The following FSTL5 variants were observed in gnomAD, a reference collection of about 807,000 sequenced individuals.
The protein encoded by FSTL5 is follistatin-related protein 5.
In FSTL5, 62 loss-of-function variants were observed where a neutral mutation model predicts 89.1. The observed-to-expected ratio is 0.70, with a 90% CI of 0.57 to 0.86. The LOEUF (loss-of-function observed/expected upper bound fraction) is 0.86. FSTL5 is among the 40% of genes least tolerant of loss of function. The pLI, the probability that FSTL5 is intolerant of heterozygous loss-of-function variation, is 0.00. For synonymous variants in FSTL5, 383 were observed against 346.2 expected, an observed-to-expected ratio of 1.11 and a Z score of -1.18; for missense variants, 1,057 against 1,001.6, an observed-to-expected ratio of 1.06 and a Z score of -0.75.
intron 15 of FSTL5, among the ~76,000 whole-genome samples, chr4:161,426,023 T>C (rs954087441): frequency 2.0e-5 from 3 of 152,020 alleles, no homozygotes; most frequent in Admixed American, 6.6e-5. Flanking sequence ...TTAAAAAGGG[T>C]TGGAAAATAT....
At chr4:162,010,735 C>T (rs988668535) in intron 3 of FSTL5, among the ~76,000 whole-genome samples, 6 of 152,224 alleles carry the variant, frequency 3.9e-5, no homozygotes, top group African/African-American at 1.2e-4. Context: ...TCACTTTGTA[C>T]ATTTCAAAGG....
At chr4:161,843,705 A>G (rs1731280474) in intron 4 of FSTL5, among the ~76,000 whole-genome samples, 1 of 152,166 alleles carries the variant, frequency 6.6e-6, no homozygotes, top group African/African-American at 2.4e-5. Flanking sequence ...AGGATTCCCT[A>G]TTTAATAAAT....
chr4:161,612,681 C>T (rs1371434391), intron 7 of FSTL5, among the ~76,000 whole-genome samples: 1 of 152,060 alleles, frequency 6.6e-6, no homozygotes, highest in Non-Finnish European at 1.5e-5. Flanking sequence ...GCCATGTTGA[C>T]GCTATAAAAC....
chr4:161,591,097 A>C (rs554083160), intron 7 of FSTL5, among the ~76,000 whole-genome samples: 1 of 152,370 alleles, frequency 6.6e-6, no homozygotes, highest in Non-Finnish European at 1.5e-5. Flanking sequence ...TTTGACAATA[A>C]AAAGGAATAA....
intron 8 of FSTL5, among the ~76,000 whole-genome samples, chr4:161,564,106 A>G (rs1560955538): frequency 6.6e-6 from 1 of 151,862 alleles, no homozygotes; most frequent in Non-Finnish European, 1.5e-5. Context: ...TGAATAATAT[A>G]TTTGTATTCA....
At chr4:161,836,844 C>G (rs77364815) in intron 4 of FSTL5, among the ~76,000 whole-genome samples, 1 of 151,688 alleles carries the variant, frequency 6.6e-6, no homozygotes, top group African/African-American at 2.4e-5. Flanking sequence ...TAATTTTTTT[C>G]AAAATCTGGA....
chr4:161,895,277 T>C (rs574035960), intron 4 of FSTL5, among the ~76,000 whole-genome samples: 1 of 152,270 alleles, frequency 6.6e-6, no homozygotes, highest in South Asian at 2.1e-4. Flanking sequence ...AAAGAAAAAA[T>C]AATGTATGTT....
chr4:161,902,267 T>C (rs7669348), intron 4 of FSTL5, among the ~76,000 whole-genome samples: 125,650 of 152,108 alleles, frequency 0.83, 52,545 homozygotes, highest in Non-Finnish European at 0.89. Context: ...TTTATATTAA[T>C]TCACTGAGTT....
chr4:161,437,564 T>TAAAAAAA (rs1553986225), intron 15 of FSTL5, among the ~76,000 whole-genome samples: 24 of 24,982 alleles, frequency 9.6e-4, no homozygotes, highest in Admixed American at 1.4e-3. Context: ...AGACTCCGTC[T>TAAAAAAA]CAAAAAAAAA....
rs375396685 is a variant in FSTL5, at chr4:161,386,392, G to A, written c.1899C>T (p.Thr633=). Residue 633 remains threonine (T), a synonymous_variant, in exon 16 of 16, where the codon ACC becomes ACT. Transcript: ENST00000306100. ...EAALQKIDLE[T]MSYIKTINLK... is the part of the protein sequence containing the mutation. ...AGTTAATTGTCTTGATGTATGACAT[G>A]GTTTCAAGATCAATTTTTTGTAGTG... is the stretch of plus-strand genomic sequence containing the variant. 2 of 1,613,574 alleles carry A rather than the reference G, an allele frequency of 1.2e-6. No individual in the cohort carries two copies. The highest frequency in any genetic ancestry group is 1.7e-6 in the Non-Finnish European group (2 of 1,179,762).
intron 7 of FSTL5, among the ~76,000 whole-genome samples, chr4:161,601,753 C>A (rs532198410): frequency 6.6e-6 from 1 of 152,160 alleles, no homozygotes; most frequent in South Asian, 2.1e-4. Flanking sequence ...CACAAAGTAA[C>A]ACTAAAGGAA....
intron 6 of FSTL5, among the ~76,000 whole-genome samples, chr4:161,657,031 CT>C (rs1300746415): frequency 6.6e-6 from 1 of 152,202 alleles, no homozygotes; most frequent in African/African-American, 2.4e-5. Context: ...CATCAGCTGT[CT>C]TTACCAGATC....
intron 6 of FSTL5, among the ~76,000 whole-genome samples, chr4:161,694,454 T>A (rs1399687518): frequency 2.0e-5 from 3 of 152,212 alleles, no homozygotes; most frequent in Non-Finnish European, 4.4e-5. Flanking sequence ...ATTTCTGTTT[T>A]TTTTATAATT....
At chr4:161,667,146 G>A (rs1736929656) in intron 6 of FSTL5, among the ~76,000 whole-genome samples, 3 of 151,766 alleles carry the variant, frequency 2.0e-5, no homozygotes, top group Non-Finnish European at 4.4e-5. Context: ...CATTCTTTTA[G>A]TGGTCTTATA....
At chr4:161,931,676 T>C (rs1578871040) in intron 3 of FSTL5, among the ~76,000 whole-genome samples, 2 of 151,902 alleles carry the variant, frequency 1.3e-5, no homozygotes, top group South Asian at 4.1e-4. Flanking sequence ...AATTTTAAGT[T>C]TTTGGACTGC....
rs4691792 is a variant in FSTL5 at position 161,740,000 on chromosome 4, T to C, written c.727+19411A>G. ...GTGTTCAAAATAGGATAGTATCTAT[T>C]TATTTATTTATTTATTTATTTATTT... is the stretch of plus-strand genomic sequence containing the variant. On this transcript the variant is annotated intron_variant, in intron 6 of 15. Transcript: ENST00000306100. Among the ~76,000 whole-genome samples the C allele has an allele frequency of 3.8e-3, 522 of 136,924 alleles. 1 individual carries two copies. Among genetic ancestry groups the C allele is most frequent in the South Asian group, 0.013 (46 of 3,676 alleles). The allele number at this position is 136,924 out of a possible 152,430, so 89.8% of individuals were successfully genotyped here. A position where few individuals can be genotyped will look rare whatever the true frequency, so the allele number is the denominator to read the frequency against.
chr4:161,682,764 T>G (rs1384168147), intron 6 of FSTL5, among the ~76,000 whole-genome samples: 1 of 152,048 alleles, frequency 6.6e-6, no homozygotes, highest in Non-Finnish European at 1.5e-5. Context: ...TTTTATTTTT[T>G]GAGATGGAGT....
intron 15 of FSTL5, among the ~76,000 whole-genome samples, chr4:161,418,797 TAAA>T (rs1328277707): frequency 6.6e-6 from 1 of 152,174 alleles, no homozygotes; most frequent in East Asian, 1.9e-4. Context: ...ATTAGTCAGA[TAAA>T]GACAGGACAA....
intron 4 of FSTL5, among the ~76,000 whole-genome samples, chr4:161,887,219 G>A (rs1035301755): frequency 2.0e-5 from 3 of 152,086 alleles, no homozygotes; most frequent in African/African-American, 4.8e-5. Context: ...TGAGACCTCT[G>A]CTCAGAAAAG....
Sources: allele counts gnomAD v4.1 joint callset (sites outside exome capture counted in the v4.1 genomes callset), GRCh38; gene constraint gnomAD v4.1.1; transcripts MANE v1.5; gene names NCBI Gene and HGNC (gene_info 2026-07-23, HGNC 2026-07-21).